Variants in DSCAM observed in about 807,000 individuals in gnomAD.
The protein encoded by DSCAM is DS cell adhesion molecule, also known as cell adhesion molecule DSCAM.
In DSCAM, 47 loss-of-function variants were observed where a neutral mutation model predicts 217.7. The ratio of observed to expected loss-of-function variants is 0.22; its 90% CI spans 0.17 to 0.28. DSCAM has a LOEUF of 0.28. Ranked by LOEUF, DSCAM falls within the 10% of genes least tolerant of loss-of-function variation. The probability of loss-of-function intolerance (pLI) is 1.00; values close to 1 mark genes in which losing one functional copy is unlikely to be tolerated. For missense variants in DSCAM, 2,080 were observed against 2,618.3 expected (o/e 0.79, Z 4.49); for synonymous variants, 1,056 against 1,015.3 (o/e 1.04, Z -0.76).
intron 11 of DSCAM, among the ~76,000 whole-genome samples, chr21:40,246,376 A>T (rs1419633406): frequency 6.8e-6 from 1 of 147,182 alleles, no homozygotes; most frequent in Admixed American, 6.8e-5. Flanking sequence ...AAAAAAAAAA[A>T]AAAAAAAAAA....
chr21:40,402,528 A>G (rs2075245667), intron 3 of DSCAM, among the ~76,000 whole-genome samples: 1 of 152,068 alleles, frequency 6.6e-6, no homozygotes, highest in Non-Finnish European at 1.5e-5. Flanking sequence ...AGAAATAATG[A>G]TTTTTTCCAC....
At chr21:40,687,507 C>A (rs577940720) in intron 3 of DSCAM, among the ~76,000 whole-genome samples, 1 of 151,856 alleles carries the variant, frequency 6.6e-6, no homozygotes, top group African/African-American at 2.4e-5. Context: ...AAGCAGAGGC[C>A]CCCCACAGCA....
At chr21:40,400,647 C>T (rs2075225332) in intron 3 of DSCAM, among the ~76,000 whole-genome samples, 1 of 152,194 alleles carries the variant, frequency 6.6e-6, no homozygotes, top group Admixed American at 6.5e-5. Context: ...GAACTCCTAG[C>T]CTCAAGCAAT....
At chr21:40,665,100 C>T (rs1345985562) in intron 3 of DSCAM, among the ~76,000 whole-genome samples, 1 of 152,162 alleles carries the variant, frequency 6.6e-6, no homozygotes, top group African/African-American at 2.4e-5. Context: ...CAGGCTTTTA[C>T]AGCATGCAGA....
intron 3 of DSCAM, among the ~76,000 whole-genome samples, chr21:40,502,032 C>T (rs1461594769): frequency 2.0e-5 from 3 of 152,294 alleles, no homozygotes; most frequent in African/African-American, 7.2e-5. Context: ...CCTGCATACC[C>T]TCTATGCATA....
At chr21:40,510,153 C>T (rs77068217) in intron 3 of DSCAM, among the ~76,000 whole-genome samples, 3 of 152,088 alleles carry the variant, frequency 2.0e-5, no homozygotes, top group Admixed American at 6.6e-5. Context: ...TTGTCCCCCC[C>T]CAAAGCACTC....
intron 3 of DSCAM, among the ~76,000 whole-genome samples, chr21:40,498,973 T>C (rs1169308469): frequency 6.6e-6 from 1 of 151,492 alleles, no homozygotes; most frequent in African/African-American, 2.4e-5. Flanking sequence ...AATTTCTCAT[T>C]ATAGCAATGT....
chr21:40,218,830 T>C (rs961043212), intron 11 of DSCAM, among the ~76,000 whole-genome samples: 10 of 152,234 alleles, frequency 6.6e-5, no homozygotes, highest in African/African-American at 2.2e-4. Flanking sequence ...TTTTTGTACA[T>C]TGATTTTGTA....
At chr21:40,485,488 C>T (rs1009440224) in intron 3 of DSCAM, among the ~76,000 whole-genome samples, 12 of 151,512 alleles carry the variant, frequency 7.9e-5, no homozygotes, top group East Asian at 1.9e-4. Flanking sequence ...GTGATCCGCC[C>T]GCCTCGGCCT....
At chr21:40,200,016 C>CTTTTT (rs369465225) in intron 11 of DSCAM, among the ~76,000 whole-genome samples, 1,828 of 135,134 alleles carry the variant, frequency 0.014, 36 homozygotes, top group African/African-American at 0.04. Context: ...CCTCAGGATT[C>CTTTTT]TTTTTTTTTT....
At chr21:40,497,806 T>C (rs1156950177) in intron 3 of DSCAM, among the ~76,000 whole-genome samples, 1 of 152,250 alleles carries the variant, frequency 6.6e-6, no homozygotes. Context: ...TTCATAAAGA[T>C]CAGCTTGCAT....
intron 1 of DSCAM, among the ~76,000 whole-genome samples, chr21:40,757,165 A>C (rs1055264529): frequency 1.3e-5 from 2 of 152,102 alleles, no homozygotes; most frequent in African/African-American, 4.8e-5. Context: ...CTGGGACTAC[A>C]GGTGCCCACC....
Position 40,487,330 on chromosome 21 carries a change from A to T in DSCAM, c.509-118085T>A, listed in dbSNP as rs201064567. ...GTGTGTGTGTGTGTGTGTGTGTGAG[A>T]GAGAGAGAGAGAGAGAGAGAGAGAG... On this transcript the variant is annotated intron_variant, in intron 3 of 32. Transcript: ENST00000400454. Among the ~76,000 whole-genome samples, 889 of 115,246 alleles carry T rather than the reference A, an allele frequency of 7.7e-3. 4 individuals carry two copies. The highest frequency in any genetic ancestry group is 0.032 in the African/African-American group (743 of 23,126). 75.6% of individuals were successfully genotyped at this position (115,246 alleles called of 152,430 possible).
chr21:40,810,888 G>C (rs528948955), intron 1 of DSCAM, among the ~76,000 whole-genome samples: 6 of 151,582 alleles, frequency 4.0e-5, no homozygotes, highest in African/African-American at 1.5e-4. Flanking sequence ...CTGGGGAACA[G>C]AGCAAGACCC....
chr21:40,139,437 C>T (rs191389336), intron 18 of DSCAM, among the ~76,000 whole-genome samples: 3 of 152,084 alleles, frequency 2.0e-5, no homozygotes, highest in African/African-American at 7.2e-5. Flanking sequence ...AGGGGACTTA[C>T]AGGTCACAGG....
At chr21:40,473,556 T>C (rs1003609427) in intron 3 of DSCAM, among the ~76,000 whole-genome samples, 1 of 152,220 alleles carries the variant, frequency 6.6e-6, no homozygotes, top group African/African-American at 2.4e-5. Flanking sequence ...AGCGGTCACC[T>C]ATCAGGTAGA....
At chr21:40,286,690 C>A (rs908185662) in intron 10 of DSCAM, among the ~76,000 whole-genome samples, 58 of 144,060 alleles carry the variant, frequency 4.0e-4, no homozygotes, top group African/African-American at 1.1e-3. Context: ...CACAGGTGAT[C>A]CTCAGTGTGA....
At chr21:40,037,777 C>G (rs1010886074) in intron 32 of DSCAM, among the ~76,000 whole-genome samples, 3 of 142,828 alleles carry the variant, frequency 2.1e-5, no homozygotes, top group Admixed American at 7.1e-5. Context: ...TACTACAAGG[C>G]TACAGTAACC....
At chr21:40,013,531 C>A (rs1201307446) in intron 32 of DSCAM, 145 bp from the exon 33 acceptor site, 27 of 579,770 alleles carry the variant, frequency 4.7e-5, no homozygotes, top group Non-Finnish European at 7.3e-5. Flanking sequence ...CCTCCTTCAG[C>A]GCTCACCACA....
Sources: allele counts gnomAD v4.1 joint callset (sites outside exome capture counted in the v4.1 genomes callset), GRCh38; gene constraint gnomAD v4.1.1; transcripts MANE v1.5; gene names NCBI Gene and HGNC (gene_info 2026-07-23, HGNC 2026-07-21).